The following MACROD2 variants were observed in gnomAD, a reference collection of about 807,000 sequenced individuals.
The protein encoded by MACROD2 is mono-ADP ribosylhydrolase 2.
Under a neutral mutation model 70.4 loss-of-function variants are expected in MACROD2, and 36 were observed. That is an observed-to-expected ratio of 0.51 (90% CI 0.39 to 0.68). The LOEUF (loss-of-function observed/expected upper bound fraction) is 0.68. MACROD2 is among the 30% of genes least tolerant of loss of function. MACROD2 has a pLI of 0.00. For missense variants in MACROD2, 496 were observed against 538.4 expected (o/e 0.92, Z 0.78); for synonymous variants, 172 against 178.8 (o/e 0.96, Z 0.30).
At chr20:15,133,598 T>C (rs998036392) in intron 5 of MACROD2, among the ~76,000 whole-genome samples, 10 of 152,134 alleles carry the variant, frequency 6.6e-5, no homozygotes, top group African/African-American at 2.4e-4. Context: ...TTGTGAAGTT[T>C]CAGAATATTT....
intron 5 of MACROD2, among the ~76,000 whole-genome samples, chr20:14,829,353 A>G (rs1380343653): frequency 5.9e-5 from 9 of 151,552 alleles, no homozygotes; most frequent in Admixed American, 5.9e-4. Context: ...GATGGTCTCA[A>G]TCTCCTGACC....
At chr20:15,031,191 C>T (rs1036078755) in intron 5 of MACROD2, among the ~76,000 whole-genome samples, 2 of 152,176 alleles carry the variant, frequency 1.3e-5, no homozygotes, top group Non-Finnish European at 2.9e-5. Context: ...CGTCAGGGAA[C>T]GTGGTGGCAC....
chr20:14,684,308 G>T (rs1345121480), intron 4 of MACROD2, among the ~76,000 whole-genome samples: 1 of 152,192 alleles, frequency 6.6e-6, no homozygotes, highest in Non-Finnish European at 1.5e-5. Flanking sequence ...GTTTGGTTTT[G>T]ATTTTGGTAG....
At chr20:15,967,681 GAAA>G (rs11467891) in intron 13 of MACROD2, 51 bp downstream of exon 13, 51,514 of 413,620 alleles carry the variant, frequency 0.12, 838 homozygotes, top group East Asian at 0.22. Flanking sequence ...CTGGGAAACA[GAAA>G]AAAAAAAAAA....
At chr20:14,805,790 A>T (rs2122155375) in intron 5 of MACROD2, among the ~76,000 whole-genome samples, 1 of 152,116 alleles carries the variant, frequency 6.6e-6, no homozygotes, top group Middle Eastern at 3.4e-3. Flanking sequence ...GGCTTTTAAG[A>T]GCAATGGCTT....
At chr20:15,721,827 C>T (rs547353523) in intron 8 of MACROD2, among the ~76,000 whole-genome samples, 1 of 152,232 alleles carries the variant, frequency 6.6e-6, no homozygotes, top group South Asian at 2.1e-4. Context: ...TGATAACCAT[C>T]ATCCTTGCCA....
At chr20:15,728,409 G>T (rs148594499) in intron 8 of MACROD2, among the ~76,000 whole-genome samples, 1 of 152,134 alleles carries the variant, frequency 6.6e-6, no homozygotes, top group African/African-American at 2.4e-5. Flanking sequence ...GATAATGCTG[G>T]CCTAATAGAA....
intron 8 of MACROD2, among the ~76,000 whole-genome samples, chr20:15,566,434 G>A (rs563845899): frequency 2.0e-5 from 3 of 152,086 alleles, no homozygotes; most frequent in South Asian, 4.2e-4. Context: ...GGAGGAGGAG[G>A]TTGCAGTGAA....
At chr20:15,902,698 G>A (rs1476533065) in intron 10 of MACROD2, among the ~76,000 whole-genome samples, 1 of 152,034 alleles carries the variant, frequency 6.6e-6, no homozygotes, top group Non-Finnish European at 1.5e-5. Flanking sequence ...GGTTCTCATG[G>A]CAAGGAGCTG....
At chr20:15,867,381 T>C (rs1056505901) in intron 9 of MACROD2, among the ~76,000 whole-genome samples, 1 of 152,066 alleles carries the variant, frequency 6.6e-6, no homozygotes. Context: ...TTTTCAACAG[T>C]TTTATATCTT....
intron 3 of MACROD2, among the ~76,000 whole-genome samples, chr20:14,468,519 G>C (rs867215513): frequency 1.1e-4 from 17 of 149,354 alleles, no homozygotes; most frequent in Admixed American, 2.7e-4. Context: ...CTTTTTTTGG[G>C]GGGGGGCGTT....
At chr20:14,463,386 G>C (rs1346404839) in intron 3 of MACROD2, among the ~76,000 whole-genome samples, 6 of 151,994 alleles carry the variant, frequency 3.9e-5, no homozygotes, top group Admixed American at 3.9e-4. Flanking sequence ...CATTGATTTT[G>C]TATCCTGAGA....
At chr20:14,705,702 T>C (rs190371988) in intron 5 of MACROD2, among the ~76,000 whole-genome samples, 1 of 152,234 alleles carries the variant, frequency 6.6e-6, no homozygotes, top group Admixed American at 6.5e-5. Flanking sequence ...GTAGAAGTTA[T>C]AATTTCTTAT....
chr20:15,786,161 T>TA (rs10641335), intron 8 of MACROD2, among the ~76,000 whole-genome samples: 49,015 of 144,542 alleles, frequency 0.34, 8,654 homozygotes, highest in East Asian at 0.5. Context: ...TTAACAATAT[T>TA]AAAAAAAAAA....
At chr20:15,967,528 A>C (rs758209860) in intron 12 of MACROD2, 25 bp from the exon 13 acceptor site, 2 of 1,595,708 alleles carry the variant, frequency 1.3e-6, no homozygotes. Flanking sequence ...AATGCTGACC[A>C]AAGGTTTTGC....
intron 6 of MACROD2, among the ~76,000 whole-genome samples, chr20:15,419,399 G>A (rs2046198172): frequency 6.6e-6 from 1 of 152,158 alleles, no homozygotes; most frequent in South Asian, 2.1e-4. Flanking sequence ...GGCGTATCAT[G>A]GACAGGGGTG....
At chr20:15,538,513 A>G (rs2146561797) in intron 8 of MACROD2, among the ~76,000 whole-genome samples, 1 of 152,362 alleles carries the variant, frequency 6.6e-6, no homozygotes, top group South Asian at 2.1e-4. Context: ...GGAGTTTGAG[A>G]TGCTCATCAG....
intron 8 of MACROD2, among the ~76,000 whole-genome samples, chr20:15,604,929 G>A (rs756775847): frequency 6.6e-6 from 1 of 152,060 alleles, no homozygotes; most frequent in African/African-American, 2.4e-5. Flanking sequence ...TTTAAGTAGT[G>A]ACCCTTTACA....
intron 5 of MACROD2, among the ~76,000 whole-genome samples, chr20:15,020,927 A>G (rs1177929294): frequency 1.3e-5 from 2 of 150,708 alleles, no homozygotes; most frequent in Non-Finnish European, 3.0e-5. Flanking sequence ...CTATATACAC[A>G]TATATATGTA....
Sources: gnomAD v4.1 joint callset for allele counts (sites outside exome capture counted in the v4.1 genomes callset) on GRCh38, gnomAD v4.1.1 for gene constraint, MANE v1.5 for transcripts, NCBI Gene and HGNC (gene_info 2026-07-23, HGNC 2026-07-21) for gene names.